The following PRPSAP2 variants were observed in gnomAD, a reference collection of about 807,000 sequenced individuals.
PRPSAP2 encodes phosphoribosyl pyrophosphate synthetase associated protein 2.
PRPSAP2 carries 24 observed loss-of-function variants against 40.6 expected under a neutral mutation model. The ratio of observed to expected loss-of-function variants is 0.59; its 90% CI spans 0.43 to 0.83. The LOEUF (loss-of-function observed/expected upper bound fraction) is 0.83, where lower values mean the gene tolerates loss of function less well. Ranked by LOEUF, PRPSAP2 falls within the 40% of genes least tolerant of loss-of-function variation. The pLI is 0.00. For missense variants in PRPSAP2, 292 were observed against 465.6 expected, an observed-to-expected ratio of 0.63 and a Z score of 3.43; for synonymous variants, 149 against 164.7, an observed-to-expected ratio of 0.90 and a Z score of 0.73.
At chr17:18,890,058 C>T (rs1451467248) in intron 8 of PRPSAP2, among the ~76,000 whole-genome samples, 181 bp downstream of exon 8, 2 of 151,960 alleles carry the variant, frequency 1.3e-5, no homozygotes, top group African/African-American at 2.4e-5. Context: ...ATTTTAATTT[C>T]CTCTCTTTTT....
chr17:18,901,418 C>T (rs993221995), intron 8 of PRPSAP2, among the ~76,000 whole-genome samples: 1 of 152,100 alleles, frequency 6.6e-6, no homozygotes, highest in Non-Finnish European at 1.5e-5. Flanking sequence ...CTCGCTCTGT[C>T]ACCCAGGCTG....
At chr17:18,876,436 T>C (rs2038304196) in intron 5 of PRPSAP2, among the ~76,000 whole-genome samples, 1 of 152,222 alleles carries the variant, frequency 6.6e-6, no homozygotes, top group African/African-American at 2.4e-5. Flanking sequence ...ACTTGTTGTA[T>C]AGTGACAGAG....
At chr17:18,924,981 A>G (rs1383096098) in intron 10 of PRPSAP2, among the ~76,000 whole-genome samples, 1 of 151,548 alleles carries the variant, frequency 6.6e-6, no homozygotes, top group Non-Finnish European at 1.5e-5. Context: ...TTAGCTGGAC[A>G]TGTTGGCGCA....
Position 18,930,824 on chromosome 17 carries a change from A to T in PRPSAP2, c.*126A>T, listed in dbSNP as rs35611268. 0.085 allele frequency: 73,830 copies of T among 870,420 alleles called. 3,599 individuals carry two copies. Among genetic ancestry groups the T allele is most frequent in the Middle Eastern group, 0.13 (330 of 2,606 alleles). The allele number at this position is 870,420 out of a possible 1,614,324, so 53.9% of individuals were successfully genotyped here. A position where few individuals can be genotyped will look rare whatever the true frequency, so the allele number is the denominator to read the frequency against. The stretch of plus-strand genomic sequence containing the variant: ...TCCCCTGTAACCTCACTTCTTATTG[A>T]TTCCTAAGAAGATAGACCAACTTTT... On this transcript the variant is annotated 3_prime_UTR_variant, in exon 12 of 12. Transcript: ENST00000268835.
intron 6 of PRPSAP2, among the ~76,000 whole-genome samples, chr17:18,878,544 A>G (rs2038472865): frequency 1.3e-5 from 2 of 151,986 alleles, no homozygotes; most frequent in African/African-American, 2.4e-5. Context: ...GTATAAGTGT[A>G]TATGATTTTA....
intron 8 of PRPSAP2, among the ~76,000 whole-genome samples, chr17:18,892,082 C>G (rs2039579642): frequency 6.6e-6 from 1 of 152,182 alleles, no homozygotes; most frequent in Non-Finnish European, 1.5e-5. Flanking sequence ...GTCTTAAACT[C>G]CTGACCTTGT....
intron 8 of PRPSAP2, among the ~76,000 whole-genome samples, chr17:18,907,157 A>G (rs1330911889): frequency 6.6e-6 from 1 of 152,008 alleles, no homozygotes; most frequent in East Asian, 1.9e-4. Context: ...GACTGCGAGA[A>G]CTTGTTGGAT....
At position 18,919,449 on chromosome 17, in the gene PRPSAP2, A is replaced by G. The variant is rs2041563707; in HGVS notation, c.734-4465A>G. Among the ~76,000 whole-genome samples the G allele has an allele frequency of 2.0e-5, 3 of 151,984 alleles. 1 individual carries two copies. The South Asian group carries it at 6.2e-4, about 32-fold the overall frequency. On this transcript the variant is annotated intron_variant, in intron 9 of 11. Coordinates refer to ENST00000268835, the MANE Select transcript of PRPSAP2 (RefSeq NM_002767.4). ...CTTGAACCCAGGAGGCAGAGGTTGC[A>G]GTGAGCTGAGATTGTGCCACTGCAC...
intron 8 of PRPSAP2, among the ~76,000 whole-genome samples, chr17:18,891,649 A>G (rs1476907366): frequency 1.3e-5 from 2 of 152,222 alleles, no homozygotes; most frequent in African/African-American, 2.4e-5. Flanking sequence ...TGCATTCACA[A>G]TGTTGTGTAA....
chr17:18,886,104 C>T (rs1220050848), intron 7 of PRPSAP2, among the ~76,000 whole-genome samples: 1 of 152,126 alleles, frequency 6.6e-6, no homozygotes, highest in Non-Finnish European at 1.5e-5. Context: ...GATAGATATT[C>T]ATGTTTCACT....
At chr17:18,915,255 G>A (rs1281542471) in intron 9 of PRPSAP2, among the ~76,000 whole-genome samples, 1 of 151,024 alleles carries the variant, frequency 6.6e-6, no homozygotes, top group Non-Finnish European at 1.5e-5. Flanking sequence ...GAACTCTTGG[G>A]CTCAAAGCGA....
At chr17:18,860,579 T>C (rs2036934516) in intron 1 of PRPSAP2, 1 of 152,240 alleles carries the variant, frequency 6.6e-6, no homozygotes, top group Non-Finnish European at 1.5e-5. Flanking sequence ...ATATCTCTTG[T>C]CTGGAAGGTA....
intron 8 of PRPSAP2, among the ~76,000 whole-genome samples, chr17:18,909,643 A>G (rs9903087): frequency 0.18 from 27,248 of 151,932 alleles, 2,675 homozygotes; most frequent in African/African-American, 0.24. Context: ...ATGTGGCTGG[A>G]CACGTAATTC....
In PRPSAP2 at chr17:18,917,581, ATTATTTTTTTTTTTTTTTT is replaced by A. The variant is rs2041424803; in HGVS notation, c.734-6330_734-6312del. 3 of 36,168 alleles carry A rather than the reference ATTATTTTTTTTTTTTTTTT, an allele frequency of 8.3e-5. No homozygotes were observed. In the South Asian group the frequency reaches 3.3e-3, roughly 40 times the overall value. The allele number at this position is 36,168 out of a possible 1,614,324, so 2.2% of individuals were successfully genotyped here. A position where few individuals can be genotyped will look rare whatever the true frequency, so the allele number is the denominator to read the frequency against. On this transcript the variant is annotated intron_variant, in intron 9 of 11. Transcript: ENST00000268835. ...TATTATTATTATTATTATTATTATT[ATTATTTTTTTTTTTTTTTT>A]TTTTTTTTTTTTTTTTTTTAGTAGA... is the stretch of plus-strand genomic sequence containing the variant.
intron 5 of PRPSAP2, among the ~76,000 whole-genome samples, chr17:18,875,226 G>A (rs939797419): frequency 1.1e-4 from 17 of 152,036 alleles, no homozygotes; most frequent in Admixed American, 6.6e-4. Context: ...ATGTTGCAGA[G>A]TCTGGACGTC....
intron 8 of PRPSAP2, among the ~76,000 whole-genome samples, chr17:18,903,621 C>T (rs2040415200): frequency 6.6e-6 from 1 of 152,042 alleles, no homozygotes; most frequent in African/African-American, 2.4e-5. Flanking sequence ...CTAGTCCCAG[C>T]TACTCAGGAG....
chr17:18,894,141 C>T (rs945474329), intron 8 of PRPSAP2, among the ~76,000 whole-genome samples: 18 of 151,998 alleles, frequency 1.2e-4, no homozygotes, highest in African/African-American at 4.3e-4. Flanking sequence ...ACGTGAGCCA[C>T]CATGCAGGCC....
intron 8 of PRPSAP2, among the ~76,000 whole-genome samples, chr17:18,894,020 G>A (rs2039755044): frequency 6.6e-6 from 1 of 152,000 alleles, no homozygotes; most frequent in African/African-American, 2.4e-5. Context: ...ACTTCACCTG[G>A]CTAATTAGTA....
chr17:18,923,957 TGTTGGAGGAAGGATTGCCATCATCGTG>T lies in PRPSAP2; in HGVS notation c.780_804+2del. The T allele has an allele frequency of 5.6e-6, 9 of 1,613,854 alleles. No homozygotes were observed. The highest frequency in any genetic ancestry group is 7.6e-6 in the Non-Finnish European group (9 of 1,179,758). On this transcript the variant is annotated inframe_deletion and splice_region_variant, in exon 10 of 12. Coordinates refer to ENST00000268835, the MANE Select transcript of PRPSAP2 (RefSeq NM_002767.4). The stretch of plus-strand genomic sequence containing the variant: ...AGCCCCCAATCACGGTTGTGGGTGA[TGTTGGAGGAAGGATTGCCATCATCGTG>T]GTATGTAGACCTCTTTTATTATTAA...
Sources: allele counts gnomAD v4.1 joint callset (sites outside exome capture counted in the v4.1 genomes callset), GRCh38; gene constraint gnomAD v4.1.1; transcripts MANE v1.5; gene names NCBI Gene and HGNC (gene_info 2026-07-23, HGNC 2026-07-21).